The following RXRA variants were observed in gnomAD, a reference collection of about 807,000 sequenced individuals.
RXRA encodes retinoid X receptor alpha.
In RXRA, 5 loss-of-function variants were observed where a neutral mutation model predicts 44.5. That is an observed-to-expected ratio of 0.11 (90% CI 0.06 to 0.24). The LOEUF (loss-of-function observed/expected upper bound fraction) is 0.24. RXRA is among the 10% of genes least tolerant of loss of function. RXRA has a pLI of 1.00. For synonymous variants in RXRA, 291 were observed against 271.4 expected, an observed-to-expected ratio of 1.07 and a Z score of -0.71; for missense variants, 412 against 646.5, an observed-to-expected ratio of 0.64 and a Z score of 3.93.
chr9:134,331,294 A>G (rs1022884939), intron 1 of RXRA, among the ~76,000 whole-genome samples: 1 of 152,230 alleles, frequency 6.6e-6, no homozygotes, highest in Non-Finnish European at 1.5e-5. Context: ...TGCGCCCTAG[A>G]GTTACAAAGC....
intron 1 of RXRA, among the ~76,000 whole-genome samples, chr9:134,388,995 G>A (rs189857413): frequency 2.6e-5 from 4 of 152,250 alleles, no homozygotes; most frequent in Admixed American, 2.6e-4. Context: ...GAGACCCGGT[G>A]ACCTGCCTCC....
chr9:134,431,994 C>T lies in RXRA; in HGVS notation c.1133C>T (p.Pro378Leu). The T allele has an allele frequency of 6.2e-7, 1 of 1,612,130 alleles. No individual in the cohort carries two copies. Among genetic ancestry groups the T allele is most frequent in the African/African-American group, 1.3e-5 (1 of 75,036 alleles). Residue 378 changes from proline (P) to leucine (L), a missense_variant and splice_region_variant, in exon 8 of 10, where the codon CCT becomes CTT. Pro to Leu is a moderately conservative substitution (Grantham distance 98). Around this residue, in one of 4 missense-constraint regions of RXRA, gnomAD observed 141 missense variants for 270.8 expected, o/e 0.52. Coordinates refer to ENST00000481739, the MANE Select transcript of RXRA (RefSeq NM_002957.6). ...GCLRAIVLFN[P>L]DSKGLSNPAE... is the part of the protein sequence containing the mutation. ...CTGCGCGCCATCGTCCTCTTTAACCCTGGTATGGCCTTCCTGCCTTGAGGC... is the reference window on the plus strand; with the variant it reads ...CTGCGCGCCATCGTCCTCTTTAACCTTGGTATGGCCTTCCTGCCTTGAGGC...
intron 1 of RXRA, among the ~76,000 whole-genome samples, chr9:134,371,003 C>G (rs914606748): frequency 6.6e-6 from 1 of 152,124 alleles, no homozygotes; most frequent in Non-Finnish European, 1.5e-5. Flanking sequence ...GAAGAGGCCG[C>G]ATCAGCCTCA....
At chr9:134,378,966 G>A (rs1454711042) in intron 1 of RXRA, among the ~76,000 whole-genome samples, 1 of 152,234 alleles carries the variant, frequency 6.6e-6, no homozygotes, top group African/African-American at 2.4e-5. Context: ...GCTGTCCTCG[G>A]GTGGGAACAC....
intron 1 of RXRA, among the ~76,000 whole-genome samples, chr9:134,357,331 G>T (rs990804756): frequency 2.0e-5 from 3 of 152,218 alleles, no homozygotes. Context: ...TGGGCTCCCT[G>T]CAGGTTACTG....
Position 134,417,401 on chromosome 9 carries a change from G to T in RXRA, c.780+74G>T. The stretch of plus-strand genomic sequence containing the variant: ...CCCTCACTCACTCACCCTCCCACCT[G>T]AGCAGCTGATGAGCCAGAGAGGTCC... On this transcript the variant is annotated intron_variant, in intron 5 of 9. Coordinates refer to ENST00000481739, the MANE Select transcript of RXRA (RefSeq NM_002957.6). This position sits in a 1 kb window ranked among gnomAD's most constrained non-coding sequence, Gnocchi z 6.1. 1.3e-6 allele frequency: 2 copies of T among 1,534,702 alleles called. No homozygotes were observed. The highest frequency in any genetic ancestry group is 1.8e-5 in the Admixed American group (1 of 55,838).
chr9:134,371,705 C>G (rs1201680710), intron 1 of RXRA, among the ~76,000 whole-genome samples: 1 of 152,140 alleles, frequency 6.6e-6, no homozygotes, highest in African/African-American at 2.4e-5. Flanking sequence ...CTGGGGGTGG[C>G]GTGCGCCCCC....
chr9:134,357,519 G>A (rs777433233), intron 1 of RXRA, among the ~76,000 whole-genome samples: 2 of 152,088 alleles, frequency 1.3e-5, no homozygotes, highest in African/African-American at 2.4e-5. Flanking sequence ...GACTGTCCAC[G>A]CCACGAGCAC....
intron 1 of RXRA, among the ~76,000 whole-genome samples, chr9:134,383,740 C>G (rs1302175442): frequency 2.6e-5 from 4 of 152,114 alleles, no homozygotes; most frequent in Admixed American, 2.6e-4. Flanking sequence ...AAGCTTCGAC[C>G]TGGGCTGCAT....
At chr9:134,394,030 C>T (rs1830837525) in intron 1 of RXRA, among the ~76,000 whole-genome samples, 1 of 142,650 alleles carries the variant, frequency 7.0e-6, no homozygotes, top group Non-Finnish European at 1.6e-5. Context: ...ACTTGTCAAC[C>T]TCTCTGTCTA....
At chr9:134,427,238 C>A (rs893641937) in intron 6 of RXRA, 1 of 877,906 alleles carries the variant, frequency 1.1e-6, no homozygotes, top group Non-Finnish European at 1.4e-6. Context: ...GCTGTTTTCG[C>A]GGCTGGCTCG....
intron 1 of RXRA, among the ~76,000 whole-genome samples, chr9:134,364,483 G>C (rs918514404): frequency 6.6e-6 from 1 of 152,230 alleles, no homozygotes; most frequent in African/African-American, 2.4e-5. Flanking sequence ...CATGGGCTCT[G>C]TGTTTGGATG....
intron 5 of RXRA, 35 bp from the exon 6 acceptor site, chr9:134,421,641 G>T: frequency 6.5e-7 from 1 of 1,545,822 alleles, no homozygotes. Flanking sequence ...CTGGCTTCTG[G>T]GACTGAATGT....
At chr9:134,394,431 A>C (rs1213168857) in intron 1 of RXRA, among the ~76,000 whole-genome samples, 1 of 151,808 alleles carries the variant, frequency 6.6e-6, no homozygotes, top group Non-Finnish European at 1.5e-5. Flanking sequence ...GTGCCCTGGG[A>C]GTTTGAGGTC....
chr9:134,357,976 G>A (rs1830302895), intron 1 of RXRA, among the ~76,000 whole-genome samples: 1 of 152,154 alleles, frequency 6.6e-6, no homozygotes, highest in South Asian at 2.1e-4. Context: ...TGGGGCCTGG[G>A]GTGCCCCCAC....
At chr9:134,421,927 C>G (rs4567118) in intron 6 of RXRA, 122 bp downstream of exon 6, 141 of 1,523,410 alleles carry the variant, frequency 9.3e-5, no homozygotes, top group East Asian at 5.8e-4. Flanking sequence ...GACACTCCCC[C>G]CTCCCAGGAC....
chr9:134,423,001 C>G (rs867542185), intron 6 of RXRA: 3 of 985,384 alleles, frequency 3.0e-6, no homozygotes, highest in Admixed American at 1.2e-4. Context: ...TCACACTCCC[C>G]GTGATGCCAT....
At chr9:134,335,145 C>T (rs558953059) in intron 1 of RXRA, among the ~76,000 whole-genome samples, 1 of 152,302 alleles carries the variant, frequency 6.6e-6, no homozygotes, top group South Asian at 2.1e-4. Context: ...TCTGTAGCCT[C>T]TCCCACCTCA....
Position 134,434,178 on chromosome 9 carries a change from C to T in RXRA, c.1212C>T (p.Cys404=). The T allele has an allele frequency of 6.2e-7, 1 of 1,613,688 alleles. No homozygotes were observed. The highest frequency in any genetic ancestry group is 1.3e-5 in the African/African-American group (1 of 75,000). Residue 404 remains cysteine, a synonymous_variant, in exon 9 of 10, where the codon TGC becomes TGT. Transcript: ENST00000481739. ...TCTATGCGTCCTTGGAGGCCTACTG[C>T]AAGCACAAGTACCCAGAGCAGCCGG... ...EKVYASLEAY[C]KHKYPEQPGR... is the part of the protein sequence containing the mutation.
Sources: gnomAD v4.1 joint callset for allele counts (sites outside exome capture counted in the v4.1 genomes callset) on GRCh38, gnomAD v4.1.1 for gene constraint, gnomAD v4.1.1 regional missense constraint, Gnocchi (gnomAD v3.1) non-coding constraint, MANE v1.5 for transcripts, NCBI Gene and HGNC (gene_info 2026-07-23, HGNC 2026-07-21) for gene names.